The following ZNF627 variants were observed in gnomAD, a reference collection of about 807,000 sequenced individuals.
The protein encoded by ZNF627 is zinc finger protein 627.
Under a neutral mutation model 10.6 loss-of-function variants are expected in ZNF627, and 12 were observed. The ratio of observed to expected loss-of-function variants is 1.13; its 90% CI spans 0.73 to 1.84. The LOEUF (loss-of-function observed/expected upper bound fraction) is 1.84. Among genes scored for constraint, ZNF627 ranks in the 40% most tolerant of loss-of-function variants. ZNF627 has a pLI of 0.00. For missense variants in ZNF627, 504 were observed against 568.4 expected (o/e 0.89, Z 1.15); for synonymous variants, 176 against 187.1 (o/e 0.94, Z 0.48).
At chr19:11,599,320 C>A (rs1380143902) in intron 1 of ZNF627, among the ~76,000 whole-genome samples, 2 of 152,170 alleles carry the variant, frequency 1.3e-5, no homozygotes, top group Admixed American at 1.3e-4. Context: ...GCTTTTCTTC[C>A]CCTAATTCCA....
chr19:11,617,005 G>A lies in ZNF627; in HGVS notation c.502G>A (p.Asp168Asn). Residue 168 changes from aspartate (D) to asparagine (N), a missense_variant, in exon 4 of 4, where the codon GAT becomes AAT. Coordinates refer to ENST00000361113, the MANE Select transcript of ZNF627 (RefSeq NM_145295.4). Reference protein sequence around the residue: ...ERTHPGGKPYDCKECGETFIS... With the variant: ...ERTHPGGKPYNCKECGETFIS... ...GACTCATCCTGGAGGAAAGCCCTAT[G>A]ATTGTAAGGAATGTGGAGAAACCTT... The A allele has an allele frequency of 6.2e-7, 1 of 1,614,150 alleles. No individual in the cohort carries two copies. Among genetic ancestry groups the A allele is most frequent in the East Asian group, 2.2e-5 (1 of 44,888 alleles).
Position 11,617,532 on chromosome 19 carries a change from C to T in ZNF627, c.1029C>T (p.Ala343=), listed in dbSNP as rs956640496. The part of the protein sequence containing the change: ...GPYKCKVCGK[A]FDFPSSFRIH... ...ATAAATGTAAGGTGTGTGGGAAAGC[C>T]TTTGATTTCCCCAGTTCATTTCGAA... The change falls in exon 4 of 4, where the codon GCC becomes GCT. Residue 343 remains alanine, a synonymous_variant. Transcript: ENST00000361113. 1.1e-5 allele frequency: 18 copies of T among 1,613,646 alleles called. No individual in the cohort carries two copies. Among genetic ancestry groups the T allele is most frequent in the Non-Finnish European group, 1.4e-5 (17 of 1,179,984 alleles).
At chr19:11,612,214 G>T (rs1413503906) in intron 1 of ZNF627, among the ~76,000 whole-genome samples, 1 of 142,966 alleles carries the variant, frequency 7.0e-6, no homozygotes, top group Non-Finnish European at 1.5e-5. Context: ...TCCACCTCCC[G>T]GGTTCACGCC....
intron 1 of ZNF627, among the ~76,000 whole-genome samples, chr19:11,602,535 A>G (rs573245640): frequency 6.6e-6 from 1 of 152,026 alleles, no homozygotes; most frequent in African/African-American, 2.4e-5. Context: ...CATCCCTTCC[A>G]TTTCGCCATT....
intron 1 of ZNF627, among the ~76,000 whole-genome samples, chr19:11,602,835 C>A (rs930544138): frequency 6.6e-6 from 1 of 152,110 alleles, no homozygotes; most frequent in African/African-American, 2.4e-5. Flanking sequence ...GAATTGAGAC[C>A]CTGGAGGAGG....
At chr19:11,602,207 G>A (rs1002376367) in intron 1 of ZNF627, among the ~76,000 whole-genome samples, 2 of 152,014 alleles carry the variant, frequency 1.3e-5, no homozygotes, top group African/African-American at 4.8e-5. Flanking sequence ...GGCTCAGGCT[G>A]GGGGTGGGTC....
intron 1 of ZNF627, chr19:11,604,374 C>G (rs1973638535): frequency 6.6e-6 from 1 of 152,214 alleles, no homozygotes; most frequent in Admixed American, 6.6e-5. Flanking sequence ...GGTATCCTGT[C>G]CCATCACTGT....
chr19:11,616,307 A>G (rs1973866748), intron 3 of ZNF627, among the ~76,000 whole-genome samples: 1 of 152,080 alleles, frequency 6.6e-6, no homozygotes, highest in South Asian at 2.1e-4. Flanking sequence ...TGGCCTTCCA[A>G]AGTGCCGGGA....
intron 1 of ZNF627, among the ~76,000 whole-genome samples, chr19:11,612,701 A>G (rs1377530801): frequency 2.6e-5 from 4 of 152,124 alleles, no homozygotes; most frequent in Non-Finnish European, 5.9e-5. Context: ...GATTACAGGC[A>G]TGAACCACCT....
intron 1 of ZNF627, among the ~76,000 whole-genome samples, chr19:11,612,422 CT>C (rs759276399): frequency 1.8e-3 from 175 of 98,768 alleles, no homozygotes; most frequent in East Asian, 7.3e-3. Context: ...GCCCGGCCTG[CT>C]TTTTTTTTTT....
Position 11,616,897 on chromosome 19 carries a change from C to A in ZNF627, c.394C>A (p.Gln132Lys). The change falls in exon 4 of 4, where the codon CAG becomes AAG. Residue 132 changes from glutamine (Q) to lysine (K), a missense_variant. Physicochemically the swap from Gln to Lys is moderately conservative, Grantham distance 53 (BLOSUM62 1). Transcript: ENST00000361113. The part of the protein sequence containing the change: ...DHTGREPNEY[Q>K]EYGKKSYTRN... Reference sequence around the variant, plus strand: ...CACTGGACGTGAACCAAATGAATATCAGGAATATGGAAAGAAGTCATATAC... The same window carrying A: ...CACTGGACGTGAACCAAATGAATATAAGGAATATGGAAAGAAGTCATATAC... 1.2e-6 allele frequency: 2 copies of A among 1,614,056 alleles called. No homozygotes were observed. Among genetic ancestry groups the A allele is most frequent in the South Asian group, 1.1e-5 (1 of 91,064 alleles).
chr19:11,601,203 C>T (rs1973578537), intron 1 of ZNF627, among the ~76,000 whole-genome samples: 1 of 152,178 alleles, frequency 6.6e-6, no homozygotes, highest in African/African-American at 2.4e-5. Context: ...CCCTGGAAAG[C>T]TGGGGATTCA....
At chr19:11,609,014 G>C (rs1470095109) in intron 1 of ZNF627, among the ~76,000 whole-genome samples, 1 of 152,070 alleles carries the variant, frequency 6.6e-6, no homozygotes, top group Non-Finnish European at 1.5e-5. Context: ...TGAGACTAGA[G>C]GGCATGCCAC....
intron 1 of ZNF627, among the ~76,000 whole-genome samples, chr19:11,603,418 A>T (rs985211879): frequency 6.6e-6 from 1 of 150,842 alleles, no homozygotes; most frequent in Non-Finnish European, 1.5e-5. Flanking sequence ...ACAAGCTAGG[A>T]CTACAGGTGC....
intron 1 of ZNF627, among the ~76,000 whole-genome samples, chr19:11,598,327 A>T (rs1048550100): frequency 1.3e-5 from 2 of 152,144 alleles, no homozygotes; most frequent in Non-Finnish European, 2.9e-5. Context: ...TGGGCCCAGG[A>T]GTTGAAGATC....
chr19:11,614,918 T>G (rs1973839520), intron 3 of ZNF627, 31 bp downstream of exon 3: 1 of 1,523,116 alleles, frequency 6.6e-7, no homozygotes, highest in Non-Finnish European at 8.9e-7. Context: ...AAAGTTCTGT[T>G]CCTTGAGAGC....
At position 11,617,081 on chromosome 19, in the gene ZNF627, T is replaced by C. The variant is rs779954953; in HGVS notation, c.578T>C (p.Val193Ala). The change falls in exon 4 of 4, where the codon GTA becomes GCA. Residue 193 changes from valine (V) to alanine (A), a missense_variant. By Grantham distance (64) the Val-to-Ala change is moderately conservative (BLOSUM62 0). Coordinates refer to ENST00000361113, the MANE Select transcript of ZNF627 (RefSeq NM_145295.4). ...CACATGTTAACGCATAGGGGAGGTGTACCTTACAAATGTAAGGTGTGTGGG... is the reference window on the plus strand; with the variant it reads ...CACATGTTAACGCATAGGGGAGGTGCACCTTACAAATGTAAGGTGTGTGGG... ...RRHMLTHRGG[V>A]PYKCKVCGKA... is the part of the protein sequence containing the mutation. 1 of 1,614,092 alleles carries C rather than the reference T, an allele frequency of 6.2e-7. No individual in the cohort carries two copies. Among genetic ancestry groups the C allele is most frequent in the Admixed American group, 1.7e-5 (1 of 60,002 alleles).
At chr19:11,614,459 G>A (rs887564132) in intron 1 of ZNF627, 68 bp from the exon 2 acceptor site, 10 of 1,599,578 alleles carry the variant, frequency 6.3e-6, no homozygotes, top group Non-Finnish European at 8.5e-6. Flanking sequence ...AACTTCTTGG[G>A]AATAAAGTCT....
intron 1 of ZNF627, among the ~76,000 whole-genome samples, chr19:11,601,777 G>A (rs1265329616): frequency 6.6e-6 from 1 of 151,878 alleles, no homozygotes; most frequent in Non-Finnish European, 1.5e-5. Flanking sequence ...GGAGGCCGAG[G>A]TGGGTGGATC....
Sources: allele counts gnomAD v4.1 joint callset (sites outside exome capture counted in the v4.1 genomes callset), GRCh38; gene constraint gnomAD v4.1.1; transcripts MANE v1.5; gene names NCBI Gene and HGNC (gene_info 2026-07-23, HGNC 2026-07-21).